N4BP2L2: variants seen among roughly 807,000 people sequenced by gnomAD.
N4BP2L2 encodes NEDD4-binding protein 2-like 2.
A neutral mutation model predicts 56.2 loss-of-function variants in N4BP2L2; 50 were observed. The ratio of observed to expected loss-of-function variants is 0.89; its 90% CI spans 0.71 to 1.13. N4BP2L2 has a LOEUF of 1.13. Among genes scored for constraint, N4BP2L2 ranks in the 50% most tolerant of loss-of-function variants. The probability of loss-of-function intolerance (pLI) is 0.00; values close to 1 mark genes in which losing one functional copy is unlikely to be tolerated. For missense variants in N4BP2L2, 689 were observed against 693.8 expected (o/e 0.99, Z 0.08); for synonymous variants, 203 against 223.6 (o/e 0.91, Z 0.82).
chr13:32,495,804 C>T (rs1372660772), intron 6 of N4BP2L2, among the ~76,000 whole-genome samples: 2 of 152,160 alleles, frequency 1.3e-5, no homozygotes, highest in Admixed American at 1.3e-4. Flanking sequence ...CTGCCTCAGT[C>T]TCCTGAGTAG....
chr13:32,460,844 T>G (rs1081798), intron 6 of N4BP2L2, among the ~76,000 whole-genome samples: 50,171 of 151,928 alleles, frequency 0.33, 10,391 homozygotes, highest in African/African-American at 0.57. Context: ...AAACAAAGCT[T>G]GTAGCATCAC....
intron 5 of N4BP2L2, among the ~76,000 whole-genome samples, chr13:32,519,534 T>G (rs1049451489): frequency 1.3e-5 from 2 of 152,024 alleles, no homozygotes; most frequent in Non-Finnish European, 2.9e-5. Context: ...CAGGTGCCTG[T>G]ATGCCCAGCT....
At chr13:32,510,219 T>A (rs1349314992), downstream of N4BP2L2, 1 of 152,126 alleles carries the variant, frequency 6.6e-6, no homozygotes, top group Non-Finnish European at 1.5e-5. Flanking sequence ...TAAAACCACT[T>A]ACAAGTAGTA....
At chr13:32,442,278 C>T (rs1375806566) in intron 7 of N4BP2L2, 7 of 975,564 alleles carry the variant, frequency 7.2e-6, no homozygotes, top group African/African-American at 5.0e-5. Context: ...AAAAGCATCA[C>T]GAGATTAATA....
intron 3 of N4BP2L2, chr13:32,523,982 T>C (rs2051873256): frequency 1.3e-5 from 2 of 152,060 alleles, no homozygotes; most frequent in South Asian, 4.1e-4. Flanking sequence ...TGAAGCAAAA[T>C]GCAAAGATGT....
At chr13:32,533,248 G>C (rs1243739145) in intron 2 of N4BP2L2, among the ~76,000 whole-genome samples, 1 of 152,020 alleles carries the variant, frequency 6.6e-6, no homozygotes, top group Non-Finnish European at 1.5e-5. Context: ...AAATCAATTA[G>C]GGGGAAAAGT....
At position 32,496,453 on chromosome 13, in the gene N4BP2L2, T is replaced by C. The variant is rs540501331; in HGVS notation, c.365+21404A>G. 1.6e-4 allele frequency among the ~76,000 whole-genome samples: 25 copies of C among 152,302 alleles called. 1 individual carries two copies. The South Asian group carries it at 5.2e-3, about 32-fold the overall frequency. On this transcript the variant is annotated intron_variant, in intron 6 of 9. Transcript: ENST00000357505. The stretch of plus-strand genomic sequence containing the variant: ...AACAAGTGTGCTGGAGTTTAAAGCA[T>C]TACTAATAACATTGTTATAATAAGA...
At chr13:32,533,606 C>T (rs900931933) in intron 2 of N4BP2L2, among the ~76,000 whole-genome samples, 2 of 149,154 alleles carry the variant, frequency 1.3e-5, no homozygotes, top group African/African-American at 2.5e-5. Context: ...ACTGTAGCCT[C>T]GGCAGCTCAG....
At chr13:32,434,646 G>A (rs1207950) in intron 9 of N4BP2L2, among the ~76,000 whole-genome samples, 3,108 of 152,128 alleles carry the variant, frequency 0.02, 58 homozygotes, top group Non-Finnish European at 0.029. Flanking sequence ...AATGGGCACC[G>A]ACTTGTGGCT....
chr13:32,536,065 A>G, exon 2 of N4BP2L2: 1 of 1,614,072 alleles, frequency 6.2e-7, no homozygotes, highest in Non-Finnish European at 8.5e-7. Context: ...TAACATGACA[A>G]TTATTTACAT....
At chr13:32,501,152 G>A (rs1015165710) in intron 6 of N4BP2L2, among the ~76,000 whole-genome samples, 4 of 152,184 alleles carry the variant, frequency 2.6e-5, no homozygotes, top group African/African-American at 9.6e-5. Flanking sequence ...ACAGGTGTGA[G>A]CCACTGCACC....
chr13:32,442,597 G>T (rs1243791450), exon 7 of N4BP2L2: 1 of 1,613,860 alleles, frequency 6.2e-7, no homozygotes, highest in African/African-American at 1.3e-5. Flanking sequence ...AGAGCACGAA[G>T]TATCAGGATG....
chr13:32,495,872 T>C (rs897011740), intron 6 of N4BP2L2, among the ~76,000 whole-genome samples: 2 of 152,120 alleles, frequency 1.3e-5, no homozygotes, highest in South Asian at 4.1e-4. Flanking sequence ...TCAGTAGAGA[T>C]GGGGTTTCCT....
At chr13:32,517,056 T>G (rs1195776026) in exon 6 of N4BP2L2, 1 of 972,280 alleles carries the variant, frequency 1.0e-6, no homozygotes, top group African/African-American at 1.8e-5. Flanking sequence ...ATTTTTATAC[T>G]AGAATTATAT....
intron 6 of N4BP2L2, among the ~76,000 whole-genome samples, chr13:32,459,525 A>T (rs2079615578): frequency 6.6e-6 from 1 of 152,182 alleles, no homozygotes; most frequent in Admixed American, 6.5e-5. Context: ...TAGAAATTCC[A>T]TAAGAAATGG....
chr13:32,441,939 G>A (rs983928722), intron 7 of N4BP2L2, among the ~76,000 whole-genome samples: 25 of 151,778 alleles, frequency 1.6e-4, no homozygotes, highest in East Asian at 3.9e-4. Context: ...AGCCGGGCGT[G>A]GTGGCGGGCG....
Position 32,443,850 on chromosome 13 carries a change from A to AT in N4BP2L2, c.641dup (p.Asn214LysfsTer2), listed in dbSNP as rs753367294. On this transcript the variant is annotated frameshift_variant, in exon 7 of 10. Coordinates refer to the N4BP2L2 transcript ENST00000357505. LOFTEE classifies it high-confidence loss of function. ...TTTGGAAACTGTCTTTAGGATCTTT[A>AT]TTTTTCCATCTTTTTTCTTTATATC... 1.7e-5 allele frequency: 26 copies of AT among 1,574,686 alleles called. No homozygotes were observed. Among genetic ancestry groups the AT allele is most frequent in the Non-Finnish European group, 2.1e-5 (25 of 1,162,816 alleles).
At chr13:32,499,252 A>T (rs2089487309) in intron 6 of N4BP2L2, among the ~76,000 whole-genome samples, 1 of 152,140 alleles carries the variant, frequency 6.6e-6, no homozygotes, top group Non-Finnish European at 1.5e-5. Flanking sequence ...AAAGTAACCC[A>T]CAGCTACGCA....
intron 6 of N4BP2L2, among the ~76,000 whole-genome samples, chr13:32,483,946 T>C (rs529890067): frequency 6.7e-6 from 1 of 148,316 alleles, no homozygotes; most frequent in South Asian, 2.1e-4. Context: ...ATCACGCCAT[T>C]GCACTGCAGC....
Sources: allele counts gnomAD v4.1 joint callset (sites outside exome capture counted in the v4.1 genomes callset), GRCh38; gene constraint gnomAD v4.1.1; transcripts MANE v1.5; gene names NCBI Gene and HGNC (gene_info 2026-07-23, HGNC 2026-07-21).